TBX19: variants seen among roughly 807,000 people sequenced by gnomAD.
The protein encoded by TBX19 is T-box transcription factor 19.
In TBX19, 33 loss-of-function variants were observed where a neutral mutation model predicts 40.9. That is an observed-to-expected ratio of 0.81 (90% CI 0.61 to 1.08). The LOEUF (loss-of-function observed/expected upper bound fraction) is 1.08. Ranked by LOEUF, TBX19 falls within the 50% of genes least tolerant of loss-of-function variation. TBX19 has a pLI of 0.00. For missense variants in TBX19, 494 were observed against 574.0 expected (o/e 0.86, Z 1.42); for synonymous variants, 220 against 225.0 (o/e 0.98, Z 0.20).
chr1:168,293,948 T>A (rs1016299537), intron 3 of TBX19, among the ~76,000 whole-genome samples: 1 of 152,104 alleles, frequency 6.6e-6, no homozygotes. Context: ...TAAAAACACA[T>A]AATAAACTGA....
chr1:168,293,344 T>A, intron 3 of TBX19, 66 bp downstream of exon 3: 2 of 1,485,340 alleles, frequency 1.3e-6, no homozygotes, highest in East Asian at 2.7e-5. Context: ...ACCTGGGAGA[T>A]CATGGCAGGA....
intron 5 of TBX19, among the ~76,000 whole-genome samples, chr1:168,301,720 T>A (rs1649279998): frequency 6.6e-6 from 1 of 152,200 alleles, no homozygotes; most frequent in Admixed American, 6.5e-5. Flanking sequence ...CAGTTACAAG[T>A]GGATTTTTAA....
intron 4 of TBX19, among the ~76,000 whole-genome samples, chr1:168,298,318 T>C (rs1449043456): frequency 3.3e-5 from 5 of 152,248 alleles, no homozygotes; most frequent in Non-Finnish European, 7.3e-5. Flanking sequence ...AACAATTTTT[T>C]TTAAAGACCT....
chr1:168,293,675 G>A (rs1649024256), intron 3 of TBX19, among the ~76,000 whole-genome samples: 1 of 152,158 alleles, frequency 6.6e-6, no homozygotes, highest in African/African-American at 2.4e-5. Flanking sequence ...TCTGTAGCAA[G>A]TGATCCAAAC....
chr1:168,289,444 G>A (rs1417947186), intron 1 of TBX19, among the ~76,000 whole-genome samples: 1 of 152,232 alleles, frequency 6.6e-6, no homozygotes, highest in Non-Finnish European at 1.5e-5. Flanking sequence ...TATCATTTTA[G>A]TTAATGTAAA....
chr1:168,291,214 G>T lies in TBX19; in HGVS notation c.258G>T (p.Met86Ile), dbSNP rs1342215594. The T allele has an allele frequency of 6.2e-7, 1 of 1,614,228 alleles. No homozygotes were observed. Among genetic ancestry groups the T allele is most frequent in the East Asian group, 2.2e-5 (1 of 44,886 alleles). Residue 86 changes from methionine (M) to isoleucine (I), a missense_variant, in exon 2 of 8, where the codon ATG (methionine) becomes ATT (isoleucine). Physicochemically the swap from Met to Ile is conservative, Grantham distance 10. Coordinates refer to ENST00000367821, the MANE Select transcript of TBX19 (RefSeq NM_005149.3). ...ISVTGLDPNA[M>I]YSLLLDFVPT... ...TCACAGGGTTGGACCCCAATGCCAT[G>T]TACTCCCTCCTGCTGGACTTTGTCC...
chr1:168,290,675 C>T (rs772189991), intron 1 of TBX19, among the ~76,000 whole-genome samples: 15 of 152,134 alleles, frequency 9.9e-5, no homozygotes, highest in African/African-American at 1.4e-4. Context: ...CTCAGCCTCC[C>T]GAATAACTGG....
chr1:168,284,254 C>T (rs1648749098), intron 1 of TBX19, among the ~76,000 whole-genome samples: 1 of 152,066 alleles, frequency 6.6e-6, no homozygotes, highest in Non-Finnish European at 1.5e-5. Flanking sequence ...AGTATAATAC[C>T]TCCTTAGAGC....
At chr1:168,307,968 C>G (rs1207194709) in intron 6 of TBX19, 1 of 152,110 alleles carries the variant, frequency 6.6e-6, no homozygotes, top group Non-Finnish European at 1.5e-5. Context: ...TAGACTTATT[C>G]ATCCTACACA....
chr1:168,312,239 TTAAA>T (rs1262982221), intron 7 of TBX19, among the ~76,000 whole-genome samples: 1 of 152,194 alleles, frequency 6.6e-6, no homozygotes, highest in Non-Finnish European at 1.5e-5. Context: ...CTCAGAGATA[TTAAA>T]TAATCTAGCC....
Position 168,312,926 on chromosome 1 carries a change from T to G in TBX19, c.1271T>G (p.Val424Gly). The G allele has an allele frequency of 1.9e-6, 3 of 1,614,270 alleles. No homozygotes were observed. The East Asian group carries it at 6.7e-5, about 36-fold the overall frequency. Residue 424 changes from valine to glycine, a missense_variant, in exon 8 of 8, where the codon GTG (valine) becomes GGG (glycine). Val to Gly is a moderately radical substitution (Grantham distance 109). Coordinates refer to ENST00000367821, the MANE Select transcript of TBX19 (RefSeq NM_005149.3). Reference sequence around the variant, plus strand: ...ATTGCTGTGTCCACCTGGACAGCAGTGGCCTCGCATCCCTTCGCGGGCTGG... The same window carrying G: ...ATTGCTGTGTCCACCTGGACAGCAGGGGCCTCGCATCCCTTCGCGGGCTGG... Reference protein sequence around the residue: ...TSIAVSTWTAVASHPFAGWGG... With the variant: ...TSIAVSTWTAGASHPFAGWGG...
chr1:168,308,719 T>A lies in TBX19; in HGVS notation c.917-23T>A, dbSNP rs113112556. ...TATGTCTTCTACATTTGCTATCAAT[T>A]CAACTGTTGTTATTTCCCCAAGTGA... On this transcript the variant is annotated intron_variant, in intron 6 of 7. Transcript: ENST00000367821. 3.1e-6 allele frequency: 5 copies of A among 1,614,120 alleles called. No individual in the cohort carries two copies. The South Asian group carries it at 5.5e-5, about 18-fold the overall frequency.
chr1:168,305,315 C>A, intron 6 of TBX19, 119 bp downstream of exon 6: 6 of 882,164 alleles, frequency 6.8e-6, no homozygotes, highest in Non-Finnish European at 1.1e-5. Context: ...ATCTAATATA[C>A]ATCTATGATA....
chr1:168,305,036 T>G lies in TBX19; in HGVS notation c.756T>G (p.Asp252Glu), dbSNP rs1649367084. 2 of 1,614,036 alleles carry G rather than the reference T, an allele frequency of 1.2e-6. No homozygotes were observed. The change falls in exon 6 of 8, where the codon GAT becomes GAG. Residue 252 changes from aspartate to glutamate, a missense_variant. Around this residue, in one of 3 missense-constraint regions of TBX19, gnomAD observed 284 missense variants for 307.3 expected, o/e 0.92. Transcript: ENST00000367821. ...GAGGCTGGATCTTTTCCAATCCAGA[T>G]GGAGTGTGCACAGCAGGAAACTCCA... ...HLGGWIFSNP[D>E]GVCTAGNSNY...
chr1:168,289,321 T>G (rs1029172809), intron 1 of TBX19, among the ~76,000 whole-genome samples: 14 of 152,350 alleles, frequency 9.2e-5, no homozygotes, highest in African/African-American at 3.4e-4. Context: ...GGGAATCGTT[T>G]AATCTGATAG....
intron 1 of TBX19, among the ~76,000 whole-genome samples, chr1:168,290,269 G>A (rs1231239964): frequency 1.3e-5 from 2 of 152,212 alleles, no homozygotes; most frequent in African/African-American, 4.8e-5. Flanking sequence ...ATATTTGTGA[G>A]AGTAAACTTG....
chr1:168,293,872 C>G (rs1649029715), intron 3 of TBX19, among the ~76,000 whole-genome samples: 1 of 151,962 alleles, frequency 6.6e-6, no homozygotes, highest in Non-Finnish European at 1.5e-5. Context: ...CAGAAGAACC[C>G]AGGGAGGGTT....
Position 168,293,126 on chromosome 1 carries a change from C to T in TBX19, c.469-18C>T, listed in dbSNP as rs1648988583. ...GGGGCTTTGCTTTTCTCCTCTTTCT[C>T]TTCTCCTGCCTCGACAGATAATGTT... On this transcript the variant is annotated intron_variant, in intron 2 of 7. Coordinates refer to ENST00000367821, the MANE Select transcript of TBX19 (RefSeq NM_005149.3). The T allele has an allele frequency of 6.8e-6, 11 of 1,613,324 alleles. No individual in the cohort carries two copies. The highest frequency in any genetic ancestry group is 9.3e-6 in the Non-Finnish European group (11 of 1,179,790).
chr1:168,282,368 T>G (rs1341712918), intron 1 of TBX19, among the ~76,000 whole-genome samples: 2 of 152,212 alleles, frequency 1.3e-5, no homozygotes, highest in African/African-American at 2.4e-5. Flanking sequence ...TTGTCAATCT[T>G]GAAGAGTTAT....
Sources: gnomAD v4.1 joint callset for allele counts (sites outside exome capture counted in the v4.1 genomes callset) on GRCh38, gnomAD v4.1.1 for gene constraint, gnomAD v4.1.1 regional missense constraint, MANE v1.5 for transcripts, NCBI Gene and HGNC (gene_info 2026-07-23, HGNC 2026-07-21) for gene names.